Variants in WIPI1 observed in about 807,000 individuals in gnomAD.
WIPI1 encodes the protein WD repeat domain phosphoinositide-interacting protein 1.
Under a neutral mutation model 55.3 loss-of-function variants are expected in WIPI1, and 45 were observed. The observed-to-expected ratio is 0.81, with a 90% CI of 0.64 to 1.04. The LOEUF (loss-of-function observed/expected upper bound fraction) is 1.04. Among genes scored for constraint, WIPI1 ranks in the 50% least tolerant of loss-of-function variants. The probability of loss-of-function intolerance (pLI) is 0.00; values close to 1 mark genes in which losing one functional copy is unlikely to be tolerated. For missense variants in WIPI1, 445 were observed against 559.0 expected, an observed-to-expected ratio of 0.80 and a Z score of 2.06; for synonymous variants, 195 against 217.6, an observed-to-expected ratio of 0.90 and a Z score of 0.92.
chr17:68,429,684 G>T (rs2083421797), intron 9 of WIPI1, among the ~76,000 whole-genome samples: 1 of 152,094 alleles, frequency 6.6e-6, no homozygotes, highest in Non-Finnish European at 1.5e-5. Context: ...CGCCTCCTGG[G>T]TTCAAGCGAT....
intron 4 of WIPI1, among the ~76,000 whole-genome samples, chr17:68,439,818 A>C (rs1027536971): frequency 1.3e-5 from 2 of 152,132 alleles, no homozygotes; most frequent in African/African-American, 4.8e-5. Context: ...CGTGATATAG[A>C]GGTCTTTCCA....
At chr17:68,435,592 A>G (rs2083745411) in intron 6 of WIPI1, 28 bp downstream of exon 6, 1 of 1,610,182 alleles carries the variant, frequency 6.2e-7, no homozygotes, top group African/African-American at 1.3e-5. Flanking sequence ...CGAAACCCAG[A>G]CAGAGGTGTT....
At position 68,434,346 on chromosome 17, in the gene WIPI1, G is replaced by A. The variant is rs555320024; in HGVS notation, c.692+210C>T. 7.5e-4 allele frequency among the ~76,000 whole-genome samples: 114 copies of A among 152,246 alleles called. 1 individual carries two copies. The highest frequency in any genetic ancestry group is 2.7e-3 in the African/African-American group (112 of 41,554). On this transcript the variant is annotated intron_variant, in intron 7 of 12. Coordinates refer to ENST00000262139, the MANE Select transcript of WIPI1 (RefSeq NM_017983.7). ...ACACACATCAAAAAGGGACTCTCAC[G>A]GCTGAACTGTGTTAAAACAGCATCT...
In WIPI1 at chr17:68,421,983, C is replaced by T. The variant is rs528852379; in HGVS notation, c.1294-163G>A. On this transcript the variant is annotated intron_variant, in intron 12 of 12. Coordinates refer to ENST00000262139, the MANE Select transcript of WIPI1 (RefSeq NM_017983.7). ...TCATGGCCACAGAATGGTCACCCAG[C>T]TTATTTAGGTGTAGACAAGTATGAC... 34 of 754,754 alleles carry T rather than the reference C, an allele frequency of 4.5e-5. No individual in the cohort carries two copies. The South Asian group carries it at 5.0e-4, about 11-fold the overall frequency. The allele number at this position is 754,754 out of a possible 1,614,324, so 46.8% of individuals were successfully genotyped here. A position where few individuals can be genotyped will look rare whatever the true frequency, so the allele number is the denominator to read the frequency against.
In WIPI1 at chr17:68,429,977, TG is replaced by T. The variant is rs1168366260; in HGVS notation, c.965+18del. On this transcript the variant is annotated intron_variant, in intron 9 of 12. Transcript: ENST00000262139. ...GACGAAAGTGTGGTCTTGTTCAGAG[TG>T]GGTGTCATTGTACGTACGTTGAGAG... The T allele has an allele frequency of 6.2e-7, 1 of 1,613,504 alleles. No individual in the cohort carries two copies.
Position 68,421,556 on chromosome 17 carries a change from C to T in WIPI1, c.*217G>A. 1 of 588,370 alleles carries T rather than the reference C, an allele frequency of 1.7e-6. No homozygotes were observed. Among genetic ancestry groups the T allele is most frequent in the Non-Finnish European group, 3.1e-6 (1 of 326,872 alleles). The allele number at this position is 588,370 out of a possible 1,614,324, so 36.4% of individuals were successfully genotyped here. A position where few individuals can be genotyped will look rare whatever the true frequency, so the allele number is the denominator to read the frequency against. ...TATAGTTTGAACGTATTTTAAATAG[C>T]ATGATGTGTATACAATGTCTCCCGC... On this transcript the variant is annotated 3_prime_UTR_variant, in exon 13 of 13. Transcript: ENST00000262139.
At chr17:68,445,795 G>C (rs564134608) in intron 3 of WIPI1, among the ~76,000 whole-genome samples, 2 of 152,164 alleles carry the variant, frequency 1.3e-5, no homozygotes, top group Admixed American at 6.5e-5. Context: ...GCAGCTCCTC[G>C]CACATCTGAG....
chr17:68,441,564 C>T (rs888728751), intron 4 of WIPI1, among the ~76,000 whole-genome samples: 5 of 152,158 alleles, frequency 3.3e-5, no homozygotes, highest in African/African-American at 9.7e-5. Flanking sequence ...ATTGGCAGGG[C>T]GGAGTCCTCT....
At chr17:68,424,087 C>A (rs930052562) in intron 12 of WIPI1, among the ~76,000 whole-genome samples, 2 of 152,084 alleles carry the variant, frequency 1.3e-5, no homozygotes, top group Non-Finnish European at 2.9e-5. Context: ...AGAAGAACGC[C>A]CTTTAAGGCC....
At chr17:68,426,534 T>A (rs753721485) in intron 11 of WIPI1, among the ~76,000 whole-genome samples, 1 of 152,020 alleles carries the variant, frequency 6.6e-6, no homozygotes, top group Non-Finnish European at 1.5e-5. Context: ...GAAATTTTAG[T>A]TTAGTTTTTA....
At chr17:68,422,967 G>A (rs1231718897) in intron 12 of WIPI1, among the ~76,000 whole-genome samples, 1 of 152,126 alleles carries the variant, frequency 6.6e-6, no homozygotes, top group African/African-American at 2.4e-5. Flanking sequence ...ATCCCAAGGA[G>A]GCAAGCGTGA....
intron 1 of WIPI1, among the ~76,000 whole-genome samples, chr17:68,454,015 C>A (rs1286439703): frequency 2.0e-5 from 3 of 152,110 alleles, no homozygotes; most frequent in African/African-American, 7.2e-5. Context: ...TCACAACCAA[C>A]AAACAAAATA....
At chr17:68,451,075 G>A (rs2084483437) in intron 2 of WIPI1, among the ~76,000 whole-genome samples, 178 bp from the exon 3 acceptor site, 1 of 152,200 alleles carries the variant, frequency 6.6e-6, no homozygotes, top group Non-Finnish European at 1.5e-5. Context: ...ACCCTGCCAG[G>A]TGGCTTTTTA....
chr17:68,426,162 G>A lies in WIPI1; in HGVS notation c.1206C>T (p.Asp402=), dbSNP rs770792481. Residue 402 remains aspartate, a synonymous_variant, in exon 12 of 13, where the codon GAC becomes GAT. Transcript: ENST00000262139. The part of the protein sequence containing the change: ...SASTVPGYSE[D]GGALRGEVIP... ...TAACTTCTCCTCGCAGCGCCCCGCC[G>A]TCCTCAGAATAACCTGGAAACCAAG... 56 of 1,580,646 alleles carry A rather than the reference G, an allele frequency of 3.5e-5. No homozygotes were observed. The highest frequency in any genetic ancestry group is 4.5e-4 in the Middle Eastern group (2 of 4,464).
chr17:68,424,259 T>C (rs1007367299), intron 12 of WIPI1, among the ~76,000 whole-genome samples: 1 of 152,164 alleles, frequency 6.6e-6, no homozygotes, highest in Admixed American at 6.5e-5. Flanking sequence ...AACCTGCCTA[T>C]TGAAAGCCAG....
At chr17:68,453,081 C>A in intron 1 of WIPI1, 89 bp from the exon 2 acceptor site, 2 of 1,007,600 alleles carry the variant, frequency 2.0e-6, no homozygotes, top group South Asian at 1.3e-5. Context: ...CCCCTAGCCT[C>A]AGGGGTACAG....
At chr17:68,442,485 G>A (rs1262735871) in intron 4 of WIPI1, among the ~76,000 whole-genome samples, 1 of 150,832 alleles carries the variant, frequency 6.6e-6, no homozygotes, top group East Asian at 1.9e-4. Flanking sequence ...AAAAAAAAAG[G>A]AGAAACATCT....
rs1261654884 is a variant in WIPI1 at position 68,427,129 on chromosome 17, A to T, written c.1192+6T>A. 3.7e-6 allele frequency: 6 copies of T among 1,612,214 alleles called. No homozygotes were observed. The highest frequency in any genetic ancestry group is 1.7e-4 in the Middle Eastern group (1 of 6,036). ...ATGCTCCCCTGTTGGCCCCGTGTCC[A>T]CCCACCTGGCACCGTGGAGGCTGAA... On this transcript the variant is annotated splice_donor_region_variant and intron_variant, in intron 11 of 12. Coordinates refer to ENST00000262139, the MANE Select transcript of WIPI1 (RefSeq NM_017983.7).
intron 1 of WIPI1, among the ~76,000 whole-genome samples, chr17:68,456,194 G>C (rs2084641178): frequency 6.6e-6 from 1 of 152,234 alleles, no homozygotes; most frequent in Non-Finnish European, 1.5e-5. Context: ...CCAAGCTGTA[G>C]AGCTACTCGA....
Sources: allele counts gnomAD v4.1 joint callset (sites outside exome capture counted in the v4.1 genomes callset), GRCh38; gene constraint gnomAD v4.1.1; transcripts MANE v1.5; gene names NCBI Gene and HGNC (gene_info 2026-07-23, HGNC 2026-07-21).